The following MTDH variants were observed in gnomAD, a reference collection of about 807,000 sequenced individuals.
MTDH encodes metadherin.
A neutral mutation model predicts 72.7 loss-of-function variants in MTDH; 34 were observed. That is an observed-to-expected ratio of 0.47 (90% CI 0.36 to 0.62). MTDH has a LOEUF of 0.62. Among genes scored for constraint, MTDH ranks in the 20% least tolerant of loss-of-function variants. The probability of loss-of-function intolerance (pLI) is 0.00; values close to 1 mark genes in which losing one functional copy is unlikely to be tolerated. For missense variants in MTDH, 677 were observed against 699.4 expected (o/e 0.97, Z 0.36); for synonymous variants, 266 against 268.9 (o/e 0.99, Z 0.10).
rs1421363790 is a variant in MTDH, at chr8:97,729,268, G to A, written c.*4598G>A. On this transcript the variant is annotated 3_prime_UTR_variant, in exon 12 of 12. Transcript: ENST00000336273. Reference sequence around the variant, plus strand: ...TTCTTACTTGAAGACAGCTGCTCTAGCTAGAAACTTCCTATCGGCATCTGA... The same window carrying A: ...TTCTTACTTGAAGACAGCTGCTCTAACTAGAAACTTCCTATCGGCATCTGA... 6.6e-6 allele frequency among the ~76,000 whole-genome samples: 1 copy of A among 151,978 alleles called. No individual in the cohort carries two copies. Among genetic ancestry groups the A allele is most frequent in the Non-Finnish European group, 1.5e-5 (1 of 68,006 alleles).
chr8:97,724,585 C>G lies in MTDH; in HGVS notation c.1679-15C>G, dbSNP rs1357253402. The G allele has an allele frequency of 4.5e-6, 7 of 1,572,398 alleles. No individual in the cohort carries two copies. Among genetic ancestry groups the G allele is most frequent in the Non-Finnish European group, 6.0e-6 (7 of 1,166,058 alleles). ...TCCTAATTTTTTTCTTCGTTTTCCCCCTTTTCTTTTTTAGCCAAGTCTGAA... is the reference window on the plus strand; with the variant it reads ...TCCTAATTTTTTTCTTCGTTTTCCCGCTTTTCTTTTTTAGCCAAGTCTGAA... On this transcript the variant is annotated splice_polypyrimidine_tract_variant and intron_variant, in intron 11 of 11. Transcript: ENST00000336273.
At chr8:97,688,465 C>T (rs1260779485) in intron 4 of MTDH, among the ~76,000 whole-genome samples, 1 of 152,102 alleles carries the variant, frequency 6.6e-6, no homozygotes, top group Non-Finnish European at 1.5e-5. Flanking sequence ...TTCTTTTTCG[C>T]TGTCTTGTGC....
In MTDH at chr8:97,725,168, TAAAG is replaced by T. The variant is rs1377965037; in HGVS notation, c.*502_*505del. 2 of 152,678 alleles carry T rather than the reference TAAAG, an allele frequency of 1.3e-5. No individual in the cohort carries two copies. The highest frequency in any genetic ancestry group is 4.8e-5 in the African/African-American group (2 of 41,466). The allele number at this position is 152,678 out of a possible 1,614,324, so 9.5% of individuals were successfully genotyped here. A position where few individuals can be genotyped will look rare whatever the true frequency, so the allele number is the denominator to read the frequency against. ...CATATTTGTTGGTAGCAATTTGTAT[TAAAG>T]AAATCACAAGTGCAAATAAAAAGTC... On this transcript the variant is annotated 3_prime_UTR_variant, in exon 12 of 12. Transcript: ENST00000336273.
At chr8:97,679,868 A>G (rs1371471166) in intron 2 of MTDH, among the ~76,000 whole-genome samples, 2 of 152,188 alleles carry the variant, frequency 1.3e-5, no homozygotes, top group Non-Finnish European at 2.9e-5. Flanking sequence ...TATGTTCCAT[A>G]TATTGATTAG....
At chr8:97,687,124 TGTC>T (rs1487274228) in intron 3 of MTDH, among the ~76,000 whole-genome samples, 2 of 152,148 alleles carry the variant, frequency 1.3e-5, no homozygotes, top group Non-Finnish European at 2.9e-5. Flanking sequence ...ATAATACTCC[TGTC>T]ACTTCTACCT....
At chr8:97,662,916 G>A (rs1812231011) in intron 2 of MTDH, among the ~76,000 whole-genome samples, 1 of 151,792 alleles carries the variant, frequency 6.6e-6, no homozygotes, top group African/African-American at 2.4e-5. Flanking sequence ...AACCAAGACA[G>A]CTGCAGGTAG....
At chr8:97,647,640 A>G (rs1811616766) in intron 1 of MTDH, among the ~76,000 whole-genome samples, 2 of 152,178 alleles carry the variant, frequency 1.3e-5, no homozygotes, top group Admixed American at 1.3e-4. Context: ...AGGAATGGGA[A>G]ACTCTAAACT....
Position 97,644,381 on chromosome 8 carries a change from C to G in MTDH, c.-126C>G. ...CAGCGGCCGATCCCCGGCTCCGGCG[C>G]GAGGGACGGCCGCGATGCGCTCGGC... On this transcript the variant is annotated 5_prime_UTR_variant, in exon 1 of 12. Coordinates refer to ENST00000336273, the MANE Select transcript of MTDH (RefSeq NM_178812.4). 10 of 1,312,350 alleles carry G rather than the reference C, an allele frequency of 7.6e-6. No homozygotes were observed. Among genetic ancestry groups the G allele is most frequent in the Non-Finnish European group, 1.0e-5 (10 of 997,034 alleles). The allele number at this position is 1,312,350 out of a possible 1,614,324, so 81.3% of individuals were successfully genotyped here.
chr8:97,649,783 T>G (rs993819478), intron 1 of MTDH, among the ~76,000 whole-genome samples: 20 of 152,050 alleles, frequency 1.3e-4, no homozygotes, highest in Non-Finnish European at 2.1e-4. Context: ...TTGTACTTTT[T>G]GTAGAGATGG....
intron 7 of MTDH, among the ~76,000 whole-genome samples, chr8:97,703,591 T>C (rs1246440587): frequency 6.6e-6 from 1 of 152,210 alleles, no homozygotes; most frequent in Non-Finnish European, 1.5e-5. Flanking sequence ...CACTGATAGC[T>C]TGGTATGTGA....
chr8:97,648,065 TG>T (rs1811630486), intron 1 of MTDH, among the ~76,000 whole-genome samples: 1 of 152,238 alleles, frequency 6.6e-6, no homozygotes, highest in Non-Finnish European at 1.5e-5. Context: ...ATTTTTCATT[TG>T]TAGAGTAAAT....
chr8:97,677,071 T>C (rs375312080), intron 2 of MTDH, among the ~76,000 whole-genome samples: 1 of 137,476 alleles, frequency 7.3e-6, no homozygotes, highest in Non-Finnish European at 1.5e-5. Context: ...TAGTCCCAGC[T>C]ACGTGGGAAG....
chr8:97,699,951 A>G, intron 7 of MTDH, 99 bp downstream of exon 7: 1 of 733,564 alleles, frequency 1.4e-6, no homozygotes, highest in Non-Finnish European at 2.3e-6. Flanking sequence ...CTAATTTCTC[A>G]CCTTTAAAGG....
At chr8:97,651,426 C>T (rs1024517891) in intron 1 of MTDH, among the ~76,000 whole-genome samples, 4 of 152,088 alleles carry the variant, frequency 2.6e-5, no homozygotes, top group Non-Finnish European at 5.9e-5. Context: ...AAATCACTAA[C>T]AAAAAGCACC....
At chr8:97,681,323 G>A (rs752242019) in intron 2 of MTDH, among the ~76,000 whole-genome samples, 24 of 152,116 alleles carry the variant, frequency 1.6e-4, no homozygotes, top group Non-Finnish European at 2.5e-4. Flanking sequence ...ATAAAGGAAT[G>A]TAAGGTTGAG....
chr8:97,723,241 AC>A (rs1159533685), intron 11 of MTDH, among the ~76,000 whole-genome samples: 1 of 151,214 alleles, frequency 6.6e-6, no homozygotes. Flanking sequence ...TACTAAAAAT[AC>A]AAAAAATTAG....
In MTDH at chr8:97,689,944, G is replaced by C. The variant is rs1053168144; in HGVS notation, c.811+841G>C. ...GGCTGGTCTCGAACTCCTGACCTCA[G>C]GTGATCCACCCACTGCAGCCTCCCA... On this transcript the variant is annotated intron_variant, in intron 5 of 11. Coordinates refer to ENST00000336273, the MANE Select transcript of MTDH (RefSeq NM_178812.4). 1.1e-3 allele frequency among the ~76,000 whole-genome samples: 164 copies of C among 150,432 alleles called. 2 individuals are homozygous for C. Among genetic ancestry groups the C allele is most frequent in the African/African-American group, 3.7e-3 (151 of 40,856 alleles).
chr8:97,684,780 A>AATCCCT (rs1813290096), intron 2 of MTDH, among the ~76,000 whole-genome samples: 1 of 152,188 alleles, frequency 6.6e-6, no homozygotes, highest in African/African-American at 2.4e-5. Flanking sequence ...GGGATTAAAT[A>AATCCCT]ATAATTTTGA....
At chr8:97,683,655 A>G (rs1813231371) in intron 2 of MTDH, among the ~76,000 whole-genome samples, 1 of 151,838 alleles carries the variant, frequency 6.6e-6, no homozygotes, top group Admixed American at 6.6e-5. Flanking sequence ...CAACCTTCCA[A>G]ATTGCTGGGA....
Sources: gnomAD v4.1 joint callset for allele counts (sites outside exome capture counted in the v4.1 genomes callset) on GRCh38, gnomAD v4.1.1 for gene constraint, MANE v1.5 for transcripts, NCBI Gene and HGNC (gene_info 2026-07-23, HGNC 2026-07-21) for gene names.